DDX46: variants seen among roughly 807,000 people sequenced by gnomAD.
DDX46 encodes the protein probable ATP-dependent RNA helicase DDX46.
DDX46 carries 30 observed loss-of-function variants against 134.9 expected under a neutral mutation model. The ratio of observed to expected loss-of-function variants is 0.22; its 90% CI spans 0.17 to 0.30. The LOEUF (loss-of-function observed/expected upper bound fraction) is 0.30. Ranked by LOEUF, DDX46 falls within the 10% of genes least tolerant of loss-of-function variation. The pLI, the probability that DDX46 is intolerant of heterozygous loss-of-function variation, is 1.00. For synonymous variants in DDX46, 415 were observed against 404.1 expected (o/e 1.03, Z -0.32); for missense variants, 622 against 1,248.7 (o/e 0.50, Z 7.56).
At chr5:134,766,177 A>C (rs1401270753) in intron 2 of DDX46, among the ~76,000 whole-genome samples, 1 of 152,158 alleles carries the variant, frequency 6.6e-6, no homozygotes, top group Non-Finnish European at 1.5e-5. Context: ...GGCTATCTGA[A>C]ACTAGATATT....
chr5:134,768,179 G>A (rs901436865), intron 3 of DDX46, among the ~76,000 whole-genome samples: 2 of 150,996 alleles, frequency 1.3e-5, no homozygotes, highest in Admixed American at 1.3e-4. Context: ...GTGCAATCTC[G>A]GCTCACTGCA....
rs61090580 is a variant in DDX46, at chr5:134,819,586, G to A, written c.2977+582G>A. Among the ~76,000 whole-genome samples, 1,271 of 152,144 alleles carry A rather than the reference G, an allele frequency of 8.4e-3. 18 individuals are homozygous for A. Among genetic ancestry groups the A allele is most frequent in the African/African-American group, 0.028 (1,159 of 41,490 alleles). ...TCTTATTTTGTCTGGCTGGAGTGCAGTGGCGCAATATCAGCTCACTGTTGC... is the reference window on the plus strand; with the variant it reads ...TCTTATTTTGTCTGGCTGGAGTGCAATGGCGCAATATCAGCTCACTGTTGC... On this transcript the variant is annotated intron_variant, in intron 21 of 22. Transcript: ENST00000452510.
intron 5 of DDX46, among the ~76,000 whole-genome samples, chr5:134,775,523 G>C (rs1753907191): frequency 6.6e-6 from 1 of 151,706 alleles, no homozygotes; most frequent in African/African-American, 2.4e-5. Flanking sequence ...GAAATTCTCT[G>C]CCTCAGCCTC....
chr5:134,792,022 C>A (rs913355896), intron 13 of DDX46, among the ~76,000 whole-genome samples: 1 of 151,868 alleles, frequency 6.6e-6, no homozygotes, highest in African/African-American at 2.4e-5. Flanking sequence ...ACTAAAAATA[C>A]AAAAATTAGC....
intron 21 of DDX46, chr5:134,826,728 A>G (rs563592932): frequency 1.1e-4 from 50 of 449,936 alleles, no homozygotes; most frequent in African/African-American, 9.4e-4. Context: ...ACATAATATG[A>G]CCTCAGTGGT....
intron 13 of DDX46, among the ~76,000 whole-genome samples, chr5:134,791,709 A>G (rs968036118): frequency 6.6e-6 from 1 of 152,210 alleles, no homozygotes. Context: ...CAAATGTCAT[A>G]TTTAGCCTTT....
intron 3 of DDX46, 119 bp downstream of exon 3, chr5:134,767,179 T>C: frequency 8.1e-7 from 1 of 1,241,442 alleles, no homozygotes; most frequent in Non-Finnish European, 1.1e-6. Context: ...ATTTGGCTCC[T>C]ACCATGAACT....
chr5:134,807,130 G>A (rs1039658971), intron 15 of DDX46, among the ~76,000 whole-genome samples: 2 of 148,618 alleles, frequency 1.3e-5, no homozygotes, highest in Middle Eastern at 3.5e-3. Context: ...CTCGGCTCAC[G>A]GCAACCTTTG....
chr5:134,788,236 CT>C (rs112958294), intron 11 of DDX46, among the ~76,000 whole-genome samples: 21 of 146,768 alleles, frequency 1.4e-4, no homozygotes, highest in South Asian at 2.2e-4. Flanking sequence ...GAGATTATCA[CT>C]TTTTTTTTTT....
chr5:134,798,132 G>A (rs1283483834), intron 15 of DDX46, among the ~76,000 whole-genome samples: 1 of 150,052 alleles, frequency 6.7e-6, no homozygotes. Context: ...TTTTTTGTGT[G>A]TGGTAAATAC....
chr5:134,826,953 A>G lies in DDX46; in HGVS notation c.2984A>G (p.Asn995Ser), dbSNP rs779420243. ...RKIYLAIESA[N>S]ELAVQKAKAE... Reference sequence around the variant, plus strand: ...CTTTCCACTCAATCACTAGGTGCCAATGAACTGGCTGTGCAGAAAGCAAAG... The same window carrying G: ...CTTTCCACTCAATCACTAGGTGCCAGTGAACTGGCTGTGCAGAAAGCAAAG... Residue 995 changes from asparagine to serine, a missense_variant, in exon 22 of 23, where the codon AAT becomes AGT. Around this residue, in one of 8 missense-constraint regions of DDX46, gnomAD observed 76 missense variants for 213.0 expected, o/e 0.36. Transcript: ENST00000452510. 7 of 1,613,330 alleles carry G rather than the reference A, an allele frequency of 4.3e-6. No homozygotes were observed. The highest frequency in any genetic ancestry group is 5.9e-6 in the Non-Finnish European group (7 of 1,179,768).
chr5:134,806,698 G>T (rs191323173), intron 15 of DDX46, among the ~76,000 whole-genome samples: 2 of 152,108 alleles, frequency 1.3e-5, no homozygotes, highest in African/African-American at 4.8e-5. Context: ...AATTATTTAC[G>T]TGCTAAACAG....
At chr5:134,774,233 T>C (rs1280367018) in intron 5 of DDX46, among the ~76,000 whole-genome samples, 1 of 152,254 alleles carries the variant, frequency 6.6e-6, no homozygotes, top group Non-Finnish European at 1.5e-5. Flanking sequence ...GTGTCTGGCT[T>C]ATTTCACTTA....
chr5:134,798,180 T>TG (rs1258795481), intron 15 of DDX46, among the ~76,000 whole-genome samples: 2 of 151,432 alleles, frequency 1.3e-5, no homozygotes, highest in African/African-American at 2.4e-5. Context: ...ACCGTTTTTT[T>TG]TTTTTTGTTG....
In DDX46 at chr5:134,811,260, T is replaced by A; in HGVS notation, c.2188T>A (p.Tyr730Asn). The A allele has an allele frequency of 6.2e-7, 1 of 1,614,106 alleles. No individual in the cohort carries two copies. The highest frequency in any genetic ancestry group is 8.5e-7 in the Non-Finnish European group (1 of 1,179,994). Residue 730 changes from tyrosine to asparagine, a missense_variant, in exon 17 of 23, where the codon TAT becomes AAT. Around this residue, in one of 8 missense-constraint regions of DDX46, gnomAD observed 209 missense variants for 508.4 expected, o/e 0.41. Transcript: ENST00000452510. ...YTFITEDQAR[Y>N]AGDIIKALEL... ...TTTTATCACAGAGGATCAAGCTCGC[T>A]ATGCTGGTGACATAATTAAAGCTCT...
intron 15 of DDX46, among the ~76,000 whole-genome samples, chr5:134,799,900 T>C (rs1754776175): frequency 6.6e-6 from 1 of 151,808 alleles, no homozygotes; most frequent in African/African-American, 2.4e-5. Flanking sequence ...CCAAAAAAAA[T>C]CTAAGAAATT....
At chr5:134,761,443 A>T (rs187110235) in intron 1 of DDX46, among the ~76,000 whole-genome samples, 2 of 152,352 alleles carry the variant, frequency 1.3e-5, no homozygotes, top group Admixed American at 1.3e-4. Flanking sequence ...GGGAAGGGTA[A>T]CAAGTTTGGG....
chr5:134,803,086 C>T (rs1378534192), intron 15 of DDX46, among the ~76,000 whole-genome samples: 1 of 152,128 alleles, frequency 6.6e-6, no homozygotes, highest in Non-Finnish European at 1.5e-5. Context: ...CTCCATCTCC[C>T]AGGTTCAGGC....
chr5:134,802,979 G>A (rs1036058947), intron 15 of DDX46, among the ~76,000 whole-genome samples: 2 of 152,064 alleles, frequency 1.3e-5, no homozygotes, highest in Admixed American at 1.3e-4. Flanking sequence ...GGCAGCATCT[G>A]AAATCTCTTA....
Sources: allele counts gnomAD v4.1 joint callset (sites outside exome capture counted in the v4.1 genomes callset), GRCh38; gene constraint gnomAD v4.1.1; regional missense constraint gnomAD v4.1.1; transcripts MANE v1.5; gene names NCBI Gene and HGNC (gene_info 2026-07-23, HGNC 2026-07-21).